CTNNA2: variants seen among roughly 807,000 people sequenced by gnomAD.
CTNNA2 encodes catenin alpha 2.
In CTNNA2, 42 loss-of-function variants were observed where a neutral mutation model predicts 101.0. The observed-to-expected ratio is 0.42, with a 90% CI of 0.32 to 0.54. The LOEUF (loss-of-function observed/expected upper bound fraction) is 0.54, where lower values mean the gene tolerates loss of function less well. Among genes scored for constraint, CTNNA2 ranks in the 20% least tolerant of loss-of-function variants. The pLI is 0.14. For synonymous variants in CTNNA2, 450 were observed against 456.4 expected, an observed-to-expected ratio of 0.99 and a Z score of 0.18; for missense variants, 871 against 1,223.1, an observed-to-expected ratio of 0.71 and a Z score of 4.29.
At chr2:80,599,705 C>T (rs1220336069) in intron 15 of CTNNA2, among the ~76,000 whole-genome samples, 2 of 152,038 alleles carry the variant, frequency 1.3e-5, no homozygotes, top group South Asian at 2.1e-4. Context: ...TCAGGATTTC[C>T]CAGATGATTC....
At chr2:80,380,072 T>C (rs1012202935) in intron 7 of CTNNA2, among the ~76,000 whole-genome samples, 2 of 145,974 alleles carry the variant, frequency 1.4e-5, no homozygotes, top group African/African-American at 2.6e-5. Context: ...AGTCTCACTC[T>C]GTCGCCCAGG....
chr2:80,194,985 A>C (rs1039543630), intron 7 of CTNNA2, among the ~76,000 whole-genome samples: 4 of 152,148 alleles, frequency 2.6e-5, no homozygotes, highest in African/African-American at 9.7e-5. Flanking sequence ...GCTTTAATGA[A>C]AAAAATCTAT....
intron 7 of CTNNA2, among the ~76,000 whole-genome samples, chr2:80,084,457 T>C (rs1219291660): frequency 6.6e-6 from 1 of 152,102 alleles, no homozygotes; most frequent in Non-Finnish European, 1.5e-5. Context: ...ATCTCTCTTT[T>C]AGGATGTCCA....
intron 5 of CTNNA2, among the ~76,000 whole-genome samples, chr2:79,507,266 T>A (rs1335903601): frequency 6.6e-6 from 1 of 152,228 alleles, no homozygotes; most frequent in Non-Finnish European, 1.5e-5. Context: ...ATACTGCGGT[T>A]TGAATGTGTC....
At chr2:80,457,450 T>TA (rs1033008901) in intron 9 of CTNNA2, among the ~76,000 whole-genome samples, 1 of 152,070 alleles carries the variant, frequency 6.6e-6, no homozygotes, top group Non-Finnish European at 1.5e-5. Flanking sequence ...TATGTATCAG[T>TA]AAAAAAAGAA....
chr2:79,938,121 CAA>C (rs528977656), intron 7 of CTNNA2, among the ~76,000 whole-genome samples: 11 of 152,292 alleles, frequency 7.2e-5, no homozygotes, highest in Non-Finnish European at 1.3e-4. Flanking sequence ...GCAGTGCCCT[CAA>C]ATCTGCTCCC....
intron 1 of CTNNA2, among the ~76,000 whole-genome samples, chr2:79,621,421 A>G (rs1678990781): frequency 6.6e-6 from 1 of 152,214 alleles, no homozygotes; most frequent in South Asian, 2.1e-4. Flanking sequence ...GTAAGGATAT[A>G]ATCAAACACA....
chr2:79,635,325 G>A (rs936187880), intron 1 of CTNNA2, among the ~76,000 whole-genome samples: 17 of 151,784 alleles, frequency 1.1e-4, no homozygotes, highest in Admixed American at 4.6e-4. Flanking sequence ...CCAGCTACTC[G>A]GGAGGCTGAG....
intron 4 of CTNNA2, among the ~76,000 whole-genome samples, chr2:79,457,633 T>C (rs1367480147): frequency 2.0e-5 from 3 of 152,070 alleles, no homozygotes; most frequent in Non-Finnish European, 4.4e-5. Context: ...TCATGGGAGA[T>C]ATCAAAGCTC....
rs1480281510 is a variant in CTNNA2, at chr2:80,055,101, G to A, written c.1056+145304G>A. The stretch of plus-strand genomic sequence containing the variant: ...GAGTGCAGTGATGGGATCCTAGTTC[G>A]AACTGCAACCTCGAACTCTGGACTC... On this transcript the variant is annotated intron_variant, in intron 7 of 18. Transcript: ENST00000402739. 2.0e-5 allele frequency among the ~76,000 whole-genome samples: 3 copies of A among 151,908 alleles called. No individual in the cohort carries two copies. In the South Asian group the frequency reaches 6.2e-4, roughly 32 times the overall value.
chr2:79,853,962 C>T (rs2103924314), intron 3 of CTNNA2, among the ~76,000 whole-genome samples: 1 of 152,214 alleles, frequency 6.6e-6, no homozygotes, highest in Non-Finnish European at 1.5e-5. Context: ...GCCACCGCGC[C>T]CAGCCCATGC....
chr2:80,136,755 AATTGTAC>A (rs2148902806), intron 7 of CTNNA2, among the ~76,000 whole-genome samples: 1 of 152,256 alleles, frequency 6.6e-6, no homozygotes, highest in African/African-American at 2.4e-5. Context: ...CTGTTGATTA[AATTGTAC>A]ATTGGCCACA....
intron 9 of CTNNA2, among the ~76,000 whole-genome samples, chr2:80,461,482 A>T (rs1440132683): frequency 6.6e-6 from 1 of 152,112 alleles, no homozygotes; most frequent in Non-Finnish European, 1.5e-5. Context: ...GCAAATTCCC[A>T]TTGCTAGGGT....
chr2:80,241,542 A>ATATC (rs1444419677), intron 7 of CTNNA2, among the ~76,000 whole-genome samples: 2 of 152,020 alleles, frequency 1.3e-5, no homozygotes, highest in Admixed American at 1.3e-4. Context: ...AATGCCATAT[A>ATATC]TATCTATACA....
intron 1 of CTNNA2, among the ~76,000 whole-genome samples, chr2:79,564,097 T>G (rs2104154388): frequency 6.6e-6 from 1 of 152,210 alleles, no homozygotes; most frequent in Non-Finnish European, 1.5e-5. Flanking sequence ...ATCACCTACT[T>G]TCAGCATTAC....
chr2:79,384,675 C>T (rs1423514677), intron 4 of CTNNA2, among the ~76,000 whole-genome samples: 1 of 152,058 alleles, frequency 6.6e-6, no homozygotes, highest in Non-Finnish European at 1.5e-5. Context: ...AAGTTGTTTG[C>T]CATTCCTTCA....
At chr2:79,495,911 G>A (rs1189886075) in intron 4 of CTNNA2, among the ~76,000 whole-genome samples, 4 of 151,942 alleles carry the variant, frequency 2.6e-5, no homozygotes, top group African/African-American at 7.3e-5. Context: ...TCCAAAATTG[G>A]CAACTATATA....
intron 7 of CTNNA2, among the ~76,000 whole-genome samples, chr2:80,242,383 C>A (rs1388281987): frequency 6.6e-6 from 1 of 152,198 alleles, no homozygotes; most frequent in Non-Finnish European, 1.5e-5. Flanking sequence ...TAATCTATGA[C>A]AACCCACACA....
At chr2:80,504,337 G>A (rs1688105198) in intron 9 of CTNNA2, among the ~76,000 whole-genome samples, 1 of 152,162 alleles carries the variant, frequency 6.6e-6, no homozygotes, top group East Asian at 1.9e-4. Context: ...TATTAGGAGA[G>A]CATGACTTTA....
Sources: allele counts gnomAD v4.1 joint callset (sites outside exome capture counted in the v4.1 genomes callset), GRCh38; gene constraint gnomAD v4.1.1; transcripts MANE v1.5; gene names NCBI Gene and HGNC (gene_info 2026-07-23, HGNC 2026-07-21).